ROR1: variants seen among roughly 807,000 people sequenced by gnomAD.
ROR1 encodes inactive tyrosine-protein kinase transmembrane receptor ROR1.
A neutral mutation model predicts 78.8 loss-of-function variants in ROR1; 19 were observed. The ratio of observed to expected loss-of-function variants is 0.24; its 90% confidence interval spans 0.17 to 0.35. The LOEUF (loss-of-function observed/expected upper bound fraction) is 0.35. Ranked by LOEUF, ROR1 falls within the 10% of genes least tolerant of loss-of-function variation. ROR1 has a pLI of 1.00. For missense variants in ROR1, 917 were observed against 1,177.8 expected, an observed-to-expected ratio of 0.78 and a Z score of 3.24; for synonymous variants, 386 against 433.6, an observed-to-expected ratio of 0.89 and a Z score of 1.36.
chr1:63,903,866 A>G (rs1439018415), intron 1 of ROR1, among the ~76,000 whole-genome samples: 2 of 152,158 alleles, frequency 1.3e-5, no homozygotes, highest in Non-Finnish European at 2.9e-5. Context: ...GATAGTTATA[A>G]GAAACGAAAT....
rs912037412 is a variant in ROR1, at chr1:64,178,937, A to T, written c.*82A>T. ...ATTTATATTCAAATGTTTTTATTAA[A>T]GTAAGGTTCTCATTTAGCAGACATC... On this transcript the variant is annotated 3_prime_UTR_variant, in exon 9 of 9. Transcript: ENST00000371079. The surrounding 1 kb of genome is among the most constrained non-coding windows in gnomAD (Gnocchi z 4.3). 1.1e-5 allele frequency: 12 copies of T among 1,094,312 alleles called. No individual in the cohort carries two copies. Among genetic ancestry groups the T allele is most frequent in the Non-Finnish European group, 1.6e-5 (12 of 770,794 alleles). 67.8% of individuals were successfully genotyped at this position (1,094,312 alleles called of 1,614,324 possible).
chr1:63,996,939 G>C (rs1187241025), intron 1 of ROR1, among the ~76,000 whole-genome samples: 1 of 152,110 alleles, frequency 6.6e-6, no homozygotes, highest in Non-Finnish European at 1.5e-5. Context: ...TCCAACCAGG[G>C]TATGATTATC....
At chr1:63,874,610 T>C (rs1353226465) in intron 1 of ROR1, among the ~76,000 whole-genome samples, 1 of 152,164 alleles carries the variant, frequency 6.6e-6, no homozygotes, top group African/African-American at 2.4e-5. Context: ...GTTATTAAGC[T>C]AGGGAGCATT....
chr1:63,986,317 T>C (rs989791545), intron 1 of ROR1, among the ~76,000 whole-genome samples: 1 of 152,218 alleles, frequency 6.6e-6, no homozygotes, highest in African/African-American at 2.4e-5. Context: ...CAAACTATAT[T>C]CCTTTCACTG....
At chr1:63,990,893 A>G (rs1478753671) in intron 1 of ROR1, among the ~76,000 whole-genome samples, 3 of 152,320 alleles carry the variant, frequency 2.0e-5, no homozygotes, top group East Asian at 1.9e-4. Context: ...AGGCACTATT[A>G]TAGTTGAAAG....
At chr1:63,925,938 C>T (rs1204828890) in intron 1 of ROR1, among the ~76,000 whole-genome samples, 17 of 149,104 alleles carry the variant, frequency 1.1e-4, no homozygotes, top group East Asian at 2.0e-4. Context: ...GAGTAGGTTG[C>T]GAAAATTTTC....
intron 4 of ROR1, among the ~76,000 whole-genome samples, chr1:64,054,552 A>G (rs1266121441): frequency 6.6e-6 from 1 of 152,240 alleles, no homozygotes; most frequent in Non-Finnish European, 1.5e-5. Context: ...AAATTTGGAA[A>G]TGAACTAAGA....
At chr1:63,789,094 G>T (rs890856418) in intron 1 of ROR1, 2 of 613,154 alleles carry the variant, frequency 3.3e-6, no homozygotes, top group Non-Finnish European at 6.3e-6. Context: ...CTGCCCTTCC[G>T]GTAGGCCAAG....
chr1:64,126,389 A>C (rs1648715567), intron 4 of ROR1, among the ~76,000 whole-genome samples: 1 of 152,122 alleles, frequency 6.6e-6, no homozygotes. Context: ...GAAAGAGATA[A>C]TGCAATCTAC....
chr1:63,988,636 A>T (rs181125072), intron 1 of ROR1, among the ~76,000 whole-genome samples: 3 of 152,220 alleles, frequency 2.0e-5, no homozygotes, highest in Admixed American at 6.5e-5. Flanking sequence ...CTAACTCTCG[A>T]TTCCACCCCA....
chr1:64,022,906 TG>T (rs1557613533), intron 2 of ROR1, among the ~76,000 whole-genome samples: 1 of 152,108 alleles, frequency 6.6e-6, no homozygotes, highest in African/African-American at 2.4e-5. Flanking sequence ...TTTTTGTTTG[TG>T]GGGGTTTTGT....
chr1:64,003,780 T>C (rs1210471925), intron 1 of ROR1, among the ~76,000 whole-genome samples: 1 of 152,180 alleles, frequency 6.6e-6, no homozygotes, highest in African/African-American at 2.4e-5. Context: ...GTTGAGGTGA[T>C]TTACCTGGCT....
intron 2 of ROR1, among the ~76,000 whole-genome samples, chr1:64,045,115 T>C (rs908479240): frequency 6.6e-6 from 1 of 152,220 alleles, no homozygotes; most frequent in Non-Finnish European, 1.5e-5. Context: ...GATTTCACAT[T>C]GCAACCAACG....
intron 1 of ROR1, among the ~76,000 whole-genome samples, chr1:63,979,145 A>G (rs1646187725): frequency 6.6e-6 from 1 of 152,164 alleles, no homozygotes; most frequent in Non-Finnish European, 1.5e-5. Context: ...TCTCATAGAA[A>G]TGTCAAGAAT....
intron 1 of ROR1, among the ~76,000 whole-genome samples, chr1:63,914,615 A>G (rs1645595561): frequency 6.6e-6 from 1 of 152,146 alleles, no homozygotes; most frequent in Non-Finnish European, 1.5e-5. Flanking sequence ...TCTGATCCCA[A>G]TTTATCTTTC....
intron 2 of ROR1, among the ~76,000 whole-genome samples, chr1:64,027,484 G>A (rs574240029): frequency 6.6e-5 from 10 of 152,000 alleles, no homozygotes; most frequent in Middle Eastern, 3.4e-3. Flanking sequence ...AGTTTCTTGC[G>A]GTTTTTACCA....
chr1:64,102,632 A>G (rs538353773), intron 4 of ROR1, among the ~76,000 whole-genome samples: 1 of 152,346 alleles, frequency 6.6e-6, no homozygotes, highest in South Asian at 2.1e-4. Flanking sequence ...AGGTGGGCTT[A>G]GAAAAATCTT....
At chr1:63,925,496 C>A (rs1645694720) in intron 1 of ROR1, among the ~76,000 whole-genome samples, 1 of 152,010 alleles carries the variant, frequency 6.6e-6, no homozygotes, top group African/African-American at 2.4e-5. Context: ...GTCTTTATAG[C>A]AGCATGATTT....
intron 1 of ROR1, among the ~76,000 whole-genome samples, chr1:63,955,389 C>G (rs1205889795): frequency 6.6e-6 from 1 of 152,110 alleles, no homozygotes; most frequent in Non-Finnish European, 1.5e-5. Context: ...AATTTTGAAT[C>G]AGAAATCTTA....
Sources: gnomAD v4.1 joint callset for allele counts (sites outside exome capture counted in the v4.1 genomes callset) on GRCh38, gnomAD v4.1.1 for gene constraint, Gnocchi (gnomAD v3.1) non-coding constraint, MANE v1.5 for transcripts, NCBI Gene and HGNC (gene_info 2026-07-23, HGNC 2026-07-21) for gene names.